GPR137C: variants seen among roughly 807,000 people sequenced by gnomAD.
The protein encoded by GPR137C is G protein-coupled receptor 137C.
GPR137C carries 27 observed loss-of-function variants against 43.4 expected under a neutral mutation model. The ratio of observed to expected loss-of-function variants is 0.62; its 90% CI spans 0.46 to 0.86. The LOEUF is 0.86. Among genes scored for constraint, GPR137C ranks in the 40% least tolerant of loss-of-function variants. The probability of loss-of-function intolerance (pLI) is 0.00; values close to 1 mark genes in which losing one functional copy is unlikely to be tolerated. For synonymous variants in GPR137C, 285 were observed against 226.9 expected (o/e 1.26, Z -2.30); for missense variants, 522 against 534.6 (o/e 0.98, Z 0.23).
At position 52,576,963 on chromosome 14, in the gene GPR137C, G is replaced by A. The variant is rs139781986; in HGVS notation, c.445-21309G>A. ...CCAGCACTTTGGGAGGCCGAGGCAG[G>A]TGGATCACTTGAGGTCAGGAGTTCG... On this transcript the variant is annotated intron_variant, in intron 1 of 6. Transcript: ENST00000321662. Among the ~76,000 whole-genome samples, 632 of 152,212 alleles carry A rather than the reference G, an allele frequency of 4.2e-3. 4 individuals carry two copies. The highest frequency in any genetic ancestry group is 0.015 in the African/African-American group (604 of 41,556).
intron 1 of GPR137C, among the ~76,000 whole-genome samples, chr14:52,578,365 C>G (rs947572179): frequency 7.9e-5 from 12 of 152,072 alleles, no homozygotes; most frequent in African/African-American, 2.7e-4. Context: ...CATCTGTCTT[C>G]TTTCTCTGCT....
At chr14:52,570,879 C>T (rs2038455800) in intron 1 of GPR137C, among the ~76,000 whole-genome samples, 1 of 152,106 alleles carries the variant, frequency 6.6e-6, no homozygotes, top group African/African-American at 2.4e-5. Flanking sequence ...GACTCCCACA[C>T]AATAATAGTG....
Position 52,568,356 on chromosome 14 carries a change from T to G in GPR137C, c.444+14765T>G, listed in dbSNP as rs143829891. Among the ~76,000 whole-genome samples, 558 of 152,196 alleles carry G rather than the reference T, an allele frequency of 3.7e-3. 5 individuals carry two copies. The highest frequency in any genetic ancestry group is 0.013 in the African/African-American group (527 of 41,530). On this transcript the variant is annotated intron_variant, in intron 1 of 6. Coordinates refer to ENST00000321662, the MANE Select transcript of GPR137C (RefSeq NM_001099652.2). ...TGCCAACACCACCAGGGCCCTGGGTTTCAAGCACAAAACTGGTTGGCTGTT... is the reference window on the plus strand; with the variant it reads ...TGCCAACACCACCAGGGCCCTGGGTGTCAAGCACAAAACTGGTTGGCTGTT...
intron 3 of GPR137C, among the ~76,000 whole-genome samples, chr14:52,604,333 C>A (rs1167582509): frequency 3.3e-5 from 5 of 152,062 alleles, no homozygotes; most frequent in African/African-American, 1.2e-4. Context: ...AAAATATTTG[C>A]CCAGATGAAG....
intron 3 of GPR137C, among the ~76,000 whole-genome samples, chr14:52,607,712 T>A (rs1045830144): frequency 6.6e-6 from 1 of 151,952 alleles, no homozygotes; most frequent in African/African-American, 2.4e-5. Context: ...CCGTCTCTAG[T>A]AAAAATACAA....
chr14:52,609,695 G>A (rs2039018110), intron 3 of GPR137C, among the ~76,000 whole-genome samples: 1 of 152,164 alleles, frequency 6.6e-6, no homozygotes, highest in African/African-American at 2.4e-5. Flanking sequence ...CCAATTTCTG[G>A]CCCAGATGGA....
At chr14:52,585,506 A>G (rs2038702068) in intron 1 of GPR137C, among the ~76,000 whole-genome samples, 1 of 152,182 alleles carries the variant, frequency 6.6e-6, no homozygotes, top group South Asian at 2.1e-4. Flanking sequence ...ACCCTACTTT[A>G]AATTTAACAG....
At chr14:52,553,642 C>T (rs2038135927) in intron 1 of GPR137C, 51 bp downstream of exon 1, 8 of 1,364,784 alleles carry the variant, frequency 5.9e-6, no homozygotes, top group African/African-American at 1.5e-5. Context: ...GCGGGGCCGC[C>T]GGGATCAACT....
intron 3 of GPR137C, among the ~76,000 whole-genome samples, chr14:52,627,196 C>T (rs140401167): frequency 3.3e-5 from 5 of 151,988 alleles, no homozygotes; most frequent in African/African-American, 1.2e-4. Flanking sequence ...AGTTCAAGAC[C>T]AGCCTTGGCA....
chr14:52,634,206 A>G (rs144087952), intron 6 of GPR137C, among the ~76,000 whole-genome samples: 2 of 152,210 alleles, frequency 1.3e-5, no homozygotes, highest in East Asian at 3.9e-4. Context: ...TTGTTGGTTC[A>G]GAGCTGTTTG....
At chr14:52,585,898 C>G (rs1162241861) in intron 1 of GPR137C, among the ~76,000 whole-genome samples, 1 of 152,130 alleles carries the variant, frequency 6.6e-6, no homozygotes, top group Non-Finnish European at 1.5e-5. Context: ...CCGTTTATCA[C>G]TCATGGCTAA....
intron 1 of GPR137C, among the ~76,000 whole-genome samples, chr14:52,597,203 G>C (rs1205655503): frequency 6.6e-6 from 1 of 152,096 alleles, no homozygotes; most frequent in Non-Finnish European, 1.5e-5. Flanking sequence ...TTCTTGGAGT[G>C]AATTAGTCTT....
At chr14:52,577,737 C>T (rs1217523643) in intron 1 of GPR137C, among the ~76,000 whole-genome samples, 3 of 147,378 alleles carry the variant, frequency 2.0e-5, no homozygotes, top group Admixed American at 1.4e-4. Flanking sequence ...CTGAGGCAGG[C>T]GGATCGCTTG....
chr14:52,621,984 T>C (rs2039167161), intron 3 of GPR137C, among the ~76,000 whole-genome samples: 1 of 151,890 alleles, frequency 6.6e-6, no homozygotes, highest in Non-Finnish European at 1.5e-5. Context: ...AAAATAATAC[T>C]GAGAAGATTG....
chr14:52,610,632 T>A (rs2039028785), intron 3 of GPR137C, among the ~76,000 whole-genome samples: 1 of 152,230 alleles, frequency 6.6e-6, no homozygotes, highest in Non-Finnish European at 1.5e-5. Context: ...GTTTCAGGTA[T>A]CCACTTAGGG....
At chr14:52,612,278 TC>T (rs1330962930) in intron 3 of GPR137C, 4 of 937,886 alleles carry the variant, frequency 4.3e-6, no homozygotes, top group Non-Finnish European at 5.1e-6. Flanking sequence ...ACCCTGCTTT[TC>T]CCCTTATACT....
intron 3 of GPR137C, among the ~76,000 whole-genome samples, chr14:52,628,526 T>C (rs980233284): frequency 4.6e-5 from 7 of 152,238 alleles, no homozygotes; most frequent in Non-Finnish European, 7.3e-5. Context: ...CTGGGCATGG[T>C]GGCTCATGCC....
chr14:52,557,610 T>C (rs2038214127), intron 1 of GPR137C, among the ~76,000 whole-genome samples: 1 of 152,216 alleles, frequency 6.6e-6, no homozygotes, highest in African/African-American at 2.4e-5. Context: ...TTATTTCTCC[T>C]GAAATCATCT....
intron 3 of GPR137C, among the ~76,000 whole-genome samples, chr14:52,628,575 C>A (rs541735108): frequency 2.6e-5 from 4 of 152,110 alleles, no homozygotes; most frequent in Non-Finnish European, 5.9e-5. Flanking sequence ...GTGGTCAGAT[C>A]GCTTGAGGTC....
Sources: allele counts gnomAD v4.1 joint callset (sites outside exome capture counted in the v4.1 genomes callset), GRCh38; gene constraint gnomAD v4.1.1; transcripts MANE v1.5; gene names NCBI Gene and HGNC (gene_info 2026-07-23, HGNC 2026-07-21).